CACNB2: variants seen among roughly 807,000 people sequenced by gnomAD.
CACNB2 encodes voltage-dependent L-type calcium channel subunit beta-2.
Under a neutral mutation model 73.3 loss-of-function variants are expected in CACNB2, and 42 were observed. The ratio of observed to expected loss-of-function variants is 0.57; its 90% CI spans 0.45 to 0.74. The LOEUF (loss-of-function observed/expected upper bound fraction) is 0.74, where lower values mean the gene tolerates loss of function less well. CACNB2 is among the 30% of genes least tolerant of loss of function. The pLI, the probability that CACNB2 is intolerant of heterozygous loss-of-function variation, is 0.00. For missense variants in CACNB2, 940 were observed against 853.0 expected (o/e 1.10, Z -1.27); for synonymous variants, 348 against 310.3 (o/e 1.12, Z -1.28).
intron 2 of CACNB2, among the ~76,000 whole-genome samples, chr10:18,390,300 C>T (rs1024119591): frequency 6.6e-6 from 1 of 152,242 alleles, no homozygotes; most frequent in Non-Finnish European, 1.5e-5. Context: ...GCAACCTCCA[C>T]CTCCCGAGTT....
At chr10:18,263,889 A>T (rs1041311103) in intron 2 of CACNB2, among the ~76,000 whole-genome samples, 10 of 152,206 alleles carry the variant, frequency 6.6e-5, no homozygotes, top group African/African-American at 2.2e-4. Context: ...TCTTGACATT[A>T]TTATTGATGT....
intron 2 of CACNB2, among the ~76,000 whole-genome samples, chr10:18,284,706 T>C (rs2038709912): frequency 6.6e-6 from 1 of 152,214 alleles, no homozygotes; most frequent in Non-Finnish European, 1.5e-5. Flanking sequence ...GCTTTGTGCA[T>C]CTGATTCTTA....
intron 3 of CACNB2, among the ~76,000 whole-genome samples, chr10:18,438,307 G>A (rs539874401): frequency 4.9e-4 from 74 of 151,334 alleles, no homozygotes; most frequent in Middle Eastern, 3.4e-3. Context: ...GGGATTACAG[G>A]CGTGAGCCAC....
intron 2 of CACNB2, chr10:18,400,503 T>A (rs1036212926): frequency 1.2e-6 from 1 of 857,024 alleles, no homozygotes; most frequent in Non-Finnish European, 1.4e-6. Context: ...AGCATCTGCG[T>A]AAAAAGGCGA....
intron 10 of CACNB2, among the ~76,000 whole-genome samples, chr10:18,530,513 C>CAA (rs5783609): frequency 0.012 from 1,561 of 129,276 alleles, 10 homozygotes; most frequent in Non-Finnish European, 0.016. Flanking sequence ...TACAAAAATG[C>CAA]AAAAAAAAAA....
chr10:18,232,280 AATT>A (rs1564363517), intron 2 of CACNB2, among the ~76,000 whole-genome samples: 1 of 151,934 alleles, frequency 6.6e-6, no homozygotes, highest in Non-Finnish European at 1.5e-5. Flanking sequence ...CTAGATCATT[AATT>A]ATTATTATTA....
At chr10:18,246,146 C>T (rs948624223) in intron 2 of CACNB2, among the ~76,000 whole-genome samples, 1 of 152,140 alleles carries the variant, frequency 6.6e-6, no homozygotes, top group Non-Finnish European at 1.5e-5. Flanking sequence ...ATTCAGACTG[C>T]CTAGAATTGA....
chr10:18,182,751 G>C (rs1232773312), intron 2 of CACNB2, among the ~76,000 whole-genome samples: 2 of 151,072 alleles, frequency 1.3e-5, no homozygotes, highest in Non-Finnish European at 2.9e-5. Flanking sequence ...GAACCAGGGA[G>C]CCAGAGGTTG....
At chr10:18,426,714 C>T (rs369756106) in intron 3 of CACNB2, among the ~76,000 whole-genome samples, 2 of 152,116 alleles carry the variant, frequency 1.3e-5, no homozygotes, top group African/African-American at 4.8e-5. Flanking sequence ...AATTCTGTTT[C>T]TTCCACTCCA....
intron 2 of CACNB2, among the ~76,000 whole-genome samples, chr10:18,240,660 A>G (rs1453325215): frequency 6.6e-6 from 1 of 152,144 alleles, no homozygotes; most frequent in African/African-American, 2.4e-5. Flanking sequence ...ATTTCTGTCT[A>G]ACTGGTTACG....
chr10:18,446,157 T>A lies in CACNB2; in HGVS notation c.333+44114T>A, dbSNP rs1589381525. On this transcript the variant is annotated intron_variant, in intron 3 of 13. Transcript: ENST00000324631. ...GAAACAGCCACAGCCAGAGCTCAGA[T>A]GAGAGGAAATTTAAGGACCAGGGGT... Among the ~76,000 whole-genome samples the A allele has an allele frequency of 2.6e-5, 4 of 152,050 alleles. No individual in the cohort carries two copies. In the South Asian group the frequency reaches 8.3e-4, roughly 32 times the overall value.
intron 2 of CACNB2, chr10:18,260,650 G>A (rs1017300668): frequency 4.1e-6 from 4 of 987,552 alleles, no homozygotes; most frequent in Non-Finnish European, 4.8e-6. Flanking sequence ...GGAGGAGGGA[G>A]AAGTAGCAAA....
chr10:18,386,588 A>G (rs2043245683), intron 2 of CACNB2, among the ~76,000 whole-genome samples: 1 of 151,556 alleles, frequency 6.6e-6, no homozygotes, highest in African/African-American at 2.4e-5. Flanking sequence ...CATTTTTTTT[A>G]GTAGAGACAG....
At chr10:18,314,602 A>C (rs529196832) in intron 2 of CACNB2, among the ~76,000 whole-genome samples, 3 of 152,308 alleles carry the variant, frequency 2.0e-5, no homozygotes, top group South Asian at 4.1e-4. Context: ...GTGAGCCACC[A>C]TAAAGTAACT....
chr10:18,283,755 A>G (rs1398778599), intron 2 of CACNB2, among the ~76,000 whole-genome samples: 1 of 152,128 alleles, frequency 6.6e-6, no homozygotes, highest in African/African-American at 2.4e-5. Flanking sequence ...CCAACATGGC[A>G]TATGTATACA....
intron 2 of CACNB2, among the ~76,000 whole-genome samples, chr10:18,355,882 C>G (rs112701401): frequency 0.022 from 3,413 of 152,208 alleles, 60 homozygotes; most frequent in Admixed American, 0.03. Flanking sequence ...ATGATCCACC[C>G]GCCTCTGCCT....
At chr10:18,515,023 C>T (rs1564638790) in intron 7 of CACNB2, 2 of 1,613,630 alleles carry the variant, frequency 1.2e-6, no homozygotes, top group Non-Finnish European at 8.5e-7. Flanking sequence ...AAACTGCAGG[C>T]TTGTTTTGGC....
At chr10:18,366,862 T>C (rs1449691905) in intron 2 of CACNB2, among the ~76,000 whole-genome samples, 4 of 151,856 alleles carry the variant, frequency 2.6e-5, no homozygotes, top group African/African-American at 9.7e-5. Flanking sequence ...TTTCCTGAAG[T>C]GCTTACAAAT....
At chr10:18,400,465 A>G (rs944812292) in intron 2 of CACNB2, 32 of 509,370 alleles carry the variant, frequency 6.3e-5, no homozygotes, top group Non-Finnish European at 7.9e-5. Flanking sequence ...TAAAATGGCA[A>G]TTTGACATAG....
Sources: gnomAD v4.1 joint callset for allele counts (sites outside exome capture counted in the v4.1 genomes callset) on GRCh38, gnomAD v4.1.1 for gene constraint, MANE v1.5 for transcripts, NCBI Gene and HGNC (gene_info 2026-07-23, HGNC 2026-07-21) for gene names.